KIAA1328: variants seen among roughly 807,000 people sequenced by gnomAD.
KIAA1328 encodes KIAA1328.
In KIAA1328, 52 loss-of-function variants were observed where a neutral mutation model predicts 68.1. That is an observed-to-expected ratio of 0.76 (90% confidence interval 0.61 to 0.96). The LOEUF (loss-of-function observed/expected upper bound fraction) is 0.96, where lower values mean the gene tolerates loss of function less well. KIAA1328 is among the 40% of genes least tolerant of loss of function. The pLI is 0.00. For synonymous variants in KIAA1328, 232 were observed against 239.4 expected, an observed-to-expected ratio of 0.97 and a Z score of 0.28; for missense variants, 641 against 677.6, an observed-to-expected ratio of 0.95 and a Z score of 0.60.
intron 9 of KIAA1328, among the ~76,000 whole-genome samples, chr18:37,203,631 A>G (rs1396570137): frequency 1.3e-5 from 2 of 152,214 alleles, no homozygotes; most frequent in Non-Finnish European, 2.9e-5. Flanking sequence ...AGCCCAAGAC[A>G]AAAGATAGGT....
Position 36,877,793 on chromosome 18 carries a change from A to T in KIAA1328, c.333-7764A>T, listed in dbSNP as rs371036747. Reference sequence around the variant, plus strand: ...GCCATTCTCCTGCCTCAGCCTCCCGAGTAGCTGGGACTACAGGCGCCCGCC... The same window carrying T: ...GCCATTCTCCTGCCTCAGCCTCCCGTGTAGCTGGGACTACAGGCGCCCGCC... On this transcript the variant is annotated intron_variant, in intron 4 of 9. Coordinates refer to ENST00000280020, the MANE Select transcript of KIAA1328 (RefSeq NM_020776.3). Among the ~76,000 whole-genome samples the T allele has an allele frequency of 4.7e-3, 708 of 150,324 alleles. 5 individuals are homozygous for T. Among genetic ancestry groups the T allele is most frequent in the South Asian group, 0.019 (88 of 4,746 alleles).
At chr18:37,225,372 C>CACTG, downstream of KIAA1328, 1 of 929,544 alleles carries the variant, frequency 1.1e-6, no homozygotes, top group Non-Finnish European at 1.3e-6. Context: ...GAACATCCCT[C>CACTG]ATCAGATCAG....
chr18:36,995,475 GT>G (rs1489326198), intron 6 of KIAA1328, among the ~76,000 whole-genome samples: 5 of 152,026 alleles, frequency 3.3e-5, no homozygotes, highest in Non-Finnish European at 2.9e-5. Flanking sequence ...ATCTTTTCCA[GT>G]TTCTCGGTCC....
In KIAA1328 at chr18:37,066,961, A is replaced by G. The variant is rs367547179; in HGVS notation, c.648A>G (p.Arg216=). The change falls in exon 7 of 10, where the codon AGA becomes AGG. Residue 216 remains arginine, a synonymous_variant. Transcript: ENST00000280020. ...ELDGSYLSIA[R]PQTYYQTKQR... ...ATGGTTCCTACTTGAGCATAGCCAG[A>G]CCACAGACCTACTATCAAACCAAGC... 1.2e-6 allele frequency: 2 copies of G among 1,612,880 alleles called. No individual in the cohort carries two copies. The highest frequency in any genetic ancestry group is 1.7e-6 in the Non-Finnish European group (2 of 1,179,330).
At chr18:36,910,357 A>G (rs1598678113) in intron 5 of KIAA1328, among the ~76,000 whole-genome samples, 1 of 152,076 alleles carries the variant, frequency 6.6e-6, no homozygotes, top group Admixed American at 6.6e-5. Context: ...CAGTTTTCCC[A>G]GCATCATTTA....
At chr18:37,116,276 G>A (rs2058103775) in intron 7 of KIAA1328, among the ~76,000 whole-genome samples, 1 of 152,182 alleles carries the variant, frequency 6.6e-6, no homozygotes, top group Admixed American at 6.6e-5. Context: ...CAAGGCTACA[G>A]TAACCAAAAC....
At chr18:37,086,979 T>C (rs1018159821) in intron 7 of KIAA1328, among the ~76,000 whole-genome samples, 38 of 152,356 alleles carry the variant, frequency 2.5e-4, no homozygotes, top group African/African-American at 8.2e-4. Context: ...TTTTGAGAAC[T>C]CATCTTACTG....
chr18:37,155,687 G>A lies in KIAA1328; in HGVS notation c.1233-4513G>A, dbSNP rs533467990. On this transcript the variant is annotated intron_variant, in intron 7 of 9. Transcript: ENST00000280020. ...TCATTTTTCTCCTGAGAGCCTTTCA[G>A]TGACTCCACCTTGGCCACAAGATAG... is the stretch of plus-strand genomic sequence containing the variant. Among the ~76,000 whole-genome samples, 78 of 152,054 alleles carry A rather than the reference G, an allele frequency of 5.1e-4. 1 individual carries two copies. Among genetic ancestry groups the A allele is most frequent in the Non-Finnish European group, 6.8e-4 (46 of 68,020 alleles).
intron 3 of KIAA1328, among the ~76,000 whole-genome samples, chr18:36,836,523 CT>C (rs1460799134): frequency 6.6e-6 from 1 of 152,068 alleles, no homozygotes; most frequent in East Asian, 1.9e-4. Flanking sequence ...TATTTCTCAC[CT>C]CCTGACTTTT....
intron 5 of KIAA1328, among the ~76,000 whole-genome samples, chr18:36,948,751 G>A (rs991503275): frequency 1.3e-5 from 2 of 152,026 alleles, no homozygotes; most frequent in Non-Finnish European, 2.9e-5. Context: ...GTTTCTCCAT[G>A]TTGGTCAGGC....
intron 6 of KIAA1328, among the ~76,000 whole-genome samples, chr18:37,041,645 TGTGTGTG>T (rs2055252919): frequency 1.2e-4 from 1 of 8,194 alleles, no homozygotes; most frequent in East Asian, 0.012. Flanking sequence ...TGTGTTTGTG[TGTGTGTG>T]TGTGTGTGTG....
intron 5 of KIAA1328, among the ~76,000 whole-genome samples, chr18:36,899,378 C>T (rs937562873): frequency 2.0e-5 from 3 of 151,738 alleles, no homozygotes; most frequent in Non-Finnish European, 2.9e-5. Flanking sequence ...ATACATGTTA[C>T]GTGAATGAAT....
At chr18:37,079,538 G>A (rs1333755240) in intron 7 of KIAA1328, among the ~76,000 whole-genome samples, 1 of 151,720 alleles carries the variant, frequency 6.6e-6, no homozygotes, top group Non-Finnish European at 1.5e-5. Flanking sequence ...ATTTCATCAT[G>A]TCTCAGAACT....
chr18:37,203,034 A>T (rs2060143071), intron 9 of KIAA1328, among the ~76,000 whole-genome samples: 1 of 151,566 alleles, frequency 6.6e-6, no homozygotes, highest in South Asian at 2.1e-4. Flanking sequence ...ACACAAACAG[A>T]ATCTATTTCT....
intron 7 of KIAA1328, among the ~76,000 whole-genome samples, chr18:37,104,045 G>A (rs1286859360): frequency 1.3e-5 from 2 of 152,130 alleles, no homozygotes; most frequent in African/African-American, 4.8e-5. Context: ...GTAGAGAAAA[G>A]GGAACTCCCA....
At chr18:37,149,433 C>G (rs2058978846) in intron 7 of KIAA1328, among the ~76,000 whole-genome samples, 1 of 152,054 alleles carries the variant, frequency 6.6e-6, no homozygotes, top group African/African-American at 2.4e-5. Flanking sequence ...AAATGTAAAA[C>G]CCAAAACTAT....
chr18:36,979,977 G>A (rs1160572485), intron 6 of KIAA1328, among the ~76,000 whole-genome samples: 1 of 152,114 alleles, frequency 6.6e-6, no homozygotes, highest in African/African-American at 2.4e-5. Context: ...CATGAACAGA[G>A]TAATGCTGTT....
At chr18:36,957,529 T>A (rs2051470814) in intron 5 of KIAA1328, among the ~76,000 whole-genome samples, 1 of 152,114 alleles carries the variant, frequency 6.6e-6, no homozygotes, top group African/African-American at 2.4e-5. Flanking sequence ...TTTTAGGAGT[T>A]GTGAGAGAGG....
chr18:37,080,410 G>T (rs143057059), intron 7 of KIAA1328, among the ~76,000 whole-genome samples: 2 of 152,276 alleles, frequency 1.3e-5, no homozygotes, highest in African/African-American at 4.8e-5. Flanking sequence ...CAGTCTTCTT[G>T]GTTAGCCTTT....
Sources: allele counts gnomAD v4.1 joint callset (sites outside exome capture counted in the v4.1 genomes callset), GRCh38; gene constraint gnomAD v4.1.1; transcripts MANE v1.5; gene names NCBI Gene and HGNC (gene_info 2026-07-23, HGNC 2026-07-21).